NOC4L: variants seen among roughly 807,000 people sequenced by gnomAD.
The protein encoded by NOC4L is nucleolar complex protein 4 homolog.
In NOC4L, 40 loss-of-function variants were observed where a neutral mutation model predicts 62.8. The observed-to-expected ratio is 0.64, with a 90% CI of 0.49 to 0.83. NOC4L has a LOEUF of 0.83. Among genes scored for constraint, NOC4L ranks in the 40% least tolerant of loss-of-function variants. The pLI is 0.00. For missense variants in NOC4L, 927 were observed against 701.9 expected, an observed-to-expected ratio of 1.32 and a Z score of -3.62; for synonymous variants, 433 against 299.8, an observed-to-expected ratio of 1.44 and a Z score of -4.59.
intron 10 of NOC4L, 70 bp downstream of exon 10, chr12:132,151,111 C>T (rs1897921722): frequency 6.7e-7 from 1 of 1,499,240 alleles, no homozygotes; most frequent in Non-Finnish European, 9.2e-7. Flanking sequence ...CCCTTCCCAC[C>T]CTGCCCCACG....
Position 132,152,022 on chromosome 12 carries a change from A to G in NOC4L, c.1318-62A>G, listed in dbSNP as rs577606372. The G allele has an allele frequency of 2.1e-5, 31 of 1,487,184 alleles. No homozygotes were observed. The South Asian group carries it at 3.1e-4, about 15-fold the overall frequency. The allele number at this position is 1,487,184 out of a possible 1,614,324, so 92.1% of individuals were successfully genotyped here. On this transcript the variant is annotated intron_variant, in intron 13 of 14. Coordinates refer to ENST00000330579, the MANE Select transcript of NOC4L (RefSeq NM_024078.3). ...CTCTGGTTGGGAGCACAGGGAGGCCATGGCTGGGGGCACAGGGCGGGGGCC... is the reference window on the plus strand; with the variant it reads ...CTCTGGTTGGGAGCACAGGGAGGCCGTGGCTGGGGGCACAGGGCGGGGGCC...
At chr12:132,145,461 A>T in intron 2 of NOC4L, 98 bp from the exon 3 acceptor site, 2 of 759,564 alleles carry the variant, frequency 2.6e-6, no homozygotes, top group Non-Finnish European at 4.4e-6. Context: ...GCTGAGTAGA[A>T]GACAATGGGA....
chr12:132,151,960 T>C, intron 13 of NOC4L, 124 bp from the exon 14 acceptor site: 1 of 1,236,442 alleles, frequency 8.1e-7, no homozygotes, highest in Non-Finnish European at 1.1e-6. Flanking sequence ...TGCTGGGTGC[T>C]TGGCCTTCTC....
chr12:132,146,427 CG>C, intron 3 of NOC4L: 1 of 442,686 alleles, frequency 2.3e-6, no homozygotes, highest in Non-Finnish European at 4.6e-6. Flanking sequence ...GGACTGTGAA[CG>C]TTCGCGTACA....
At position 132,151,258 on chromosome 12, in the gene NOC4L, GGA is replaced by G; in HGVS notation, c.965_966del (p.Glu322ValfsTer3). 3 of 1,610,716 alleles carry G rather than the reference GGA, an allele frequency of 1.9e-6. No homozygotes were observed. Among genetic ancestry groups the G allele is most frequent in the Non-Finnish European group, 2.5e-6 (3 of 1,179,216 alleles). On this transcript the variant is annotated frameshift_variant and splice_region_variant, in exon 11 of 15. Coordinates refer to ENST00000330579, the MANE Select transcript of NOC4L (RefSeq NM_024078.3). LOFTEE classifies it high-confidence loss of function. ...GCTGCTCCTTCCCCCCGGCCCGCAG[GGA>G]GTACCCTGACTTCTACCGGAAGCTC... ...LFILIHKHNL[E>X]YPDFYRKLYG...
chr12:132,144,739 G>A, intron 1 of NOC4L, 115 bp from the exon 2 acceptor site: 2 of 1,478,840 alleles, frequency 1.4e-6, no homozygotes, highest in Non-Finnish European at 1.8e-6. Flanking sequence ...TGGGTCACGG[G>A]TCGGGGGTGA....
chr12:132,146,300 A>G (rs1421243697), intron 3 of NOC4L: 1 of 455,976 alleles, frequency 2.2e-6, no homozygotes, highest in East Asian at 6.9e-5. Context: ...GCGTGTTCGA[A>G]GTTCGTTCTC....
In NOC4L at chr12:132,152,030, G is replaced by A. The variant is rs936845451; in HGVS notation, c.1318-54G>A. On this transcript the variant is annotated intron_variant, in intron 13 of 14. Coordinates refer to ENST00000330579, the MANE Select transcript of NOC4L (RefSeq NM_024078.3). ...GGGAGCACAGGGAGGCCATGGCTGGGGGCACAGGGCGGGGGCCTGGGGCAG... is the reference window on the plus strand; with the variant it reads ...GGGAGCACAGGGAGGCCATGGCTGGAGGCACAGGGCGGGGGCCTGGGGCAG... The A allele has an allele frequency of 2.0e-6, 3 of 1,507,742 alleles. No individual in the cohort carries two copies. In the African/African-American group the frequency reaches 4.2e-5, roughly 21 times the overall value. The allele number at this position is 1,507,742 out of a possible 1,614,324, so 93.4% of individuals were successfully genotyped here.
At position 132,148,600 on chromosome 12, in the gene NOC4L, C is replaced by T; in HGVS notation, c.739-9C>T. ...GAGGGCGGCGAGTGCAGTCTGGACC[C>T]CGTTGCAGGAGCACAGGAGGGTTTT... On this transcript the variant is annotated splice_polypyrimidine_tract_variant and intron_variant, in intron 7 of 14. Transcript: ENST00000330579. 1 of 1,549,602 alleles carries T rather than the reference C, an allele frequency of 6.5e-7. No homozygotes were observed. Among genetic ancestry groups the T allele is most frequent in the Non-Finnish European group, 8.7e-7 (1 of 1,146,280 alleles).
In NOC4L at chr12:132,145,580, A is replaced by G; in HGVS notation, c.260A>G (p.Lys87Arg). 2 of 1,612,796 alleles carry G rather than the reference A, an allele frequency of 1.2e-6. No individual in the cohort carries two copies. Among genetic ancestry groups the G allele is most frequent in the Non-Finnish European group, 1.7e-6 (2 of 1,179,490 alleles). ...VMTGSQGATRKYKVWMRHRYH... is the reference protein window; with the variant it reads ...VMTGSQGATRRYKVWMRHRYH... ...GCAGGGTCCCAGGGAGCCACACGGAAGTACAAGGTGTGGATGAGACACCGC... is the reference window on the plus strand; with the variant it reads ...GCAGGGTCCCAGGGAGCCACACGGAGGTACAAGGTGTGGATGAGACACCGC... Residue 87 changes from lysine (K) to arginine (R), a missense_variant, in exon 3 of 15, where the codon AAG (lysine) becomes AGG (arginine). Physicochemically the swap from Lys to Arg is conservative, Grantham distance 26 (BLOSUM62 2). Coordinates refer to ENST00000330579, the MANE Select transcript of NOC4L (RefSeq NM_024078.3).
chr12:132,151,089 T>C (rs772258266), intron 10 of NOC4L, 48 bp downstream of exon 10: 17 of 1,547,062 alleles, frequency 1.1e-5, no homozygotes, highest in Non-Finnish European at 2.7e-6. Context: ...TGCCCAGCCC[T>C]GCTCCTCTGT....
rs199619878 is a variant in NOC4L at position 132,148,857 on chromosome 12, C to T, written c.863C>T (p.Thr288Met). The T allele has an allele frequency of 3.2e-5, 52 of 1,601,138 alleles. 1 individual carries two copies. The highest frequency in any genetic ancestry group is 1.7e-4 in the Middle Eastern group (1 of 6,032). ...ATCCTGCCGCAGCTGGCGCAGCCCA[C>T]GCTCATGATCGACTTCCTCACCCGC... ...DAILPQLAQPTLMIDFLTRAC... is the reference protein window; with the variant it reads ...DAILPQLAQPMLMIDFLTRAC... Residue 288 changes from threonine (T) to methionine (M), a missense_variant, in exon 9 of 15, where the codon ACG (threonine) becomes ATG (methionine). Physicochemically the swap from Thr to Met is moderately conservative, Grantham distance 81 (BLOSUM62 -1). Coordinates refer to ENST00000330579, the MANE Select transcript of NOC4L (RefSeq NM_024078.3).
chr12:132,148,135 C>G, intron 7 of NOC4L, 29 bp downstream of exon 7: 1 of 1,611,994 alleles, frequency 6.2e-7, no homozygotes, highest in Non-Finnish European at 8.5e-7. Flanking sequence ...GCCGGGCACC[C>G]TCCCGGGTTT....
chr12:132,151,423 C>A, intron 11 of NOC4L, 55 bp downstream of exon 11: 1 of 1,601,702 alleles, frequency 6.2e-7, no homozygotes, highest in Non-Finnish European at 8.5e-7. Context: ...AGCCTGGGGC[C>A]AGGGGAGGGT....
In NOC4L at chr12:132,152,293, G is replaced by C; in HGVS notation, c.1443G>C (p.Arg481=). ...TTTGTGCTTTGCAGATCTTTGAGCGGGACCTGAAGAAGAAGGGGCCCGAGC... is the reference window on the plus strand; with the variant it reads ...TTTGTGCTTTGCAGATCTTTGAGCGCGACCTGAAGAAGAAGGGGCCCGAGC... ...LELTAYEIFE[R]DLKKKGPEPV... is the part of the protein sequence containing the mutation. Residue 481 remains arginine, a synonymous_variant, in exon 15 of 15, where the codon CGG becomes CGC. Coordinates refer to ENST00000330579, the MANE Select transcript of NOC4L (RefSeq NM_024078.3). 1 of 1,563,844 alleles carries C rather than the reference G, an allele frequency of 6.4e-7. No homozygotes were observed. The highest frequency in any genetic ancestry group is 8.7e-7 in the Non-Finnish European group (1 of 1,154,790).
chr12:132,151,965 C>T, intron 13 of NOC4L, 119 bp from the exon 14 acceptor site: 1 of 1,241,256 alleles, frequency 8.1e-7, no homozygotes, highest in Non-Finnish European at 1.1e-6. Flanking sequence ...GGTGCTTGGC[C>T]TTCTCACGTG....
chr12:132,148,033 C>T (rs771588789), intron 6 of NOC4L, 39 bp from the exon 7 acceptor site: 1 of 1,613,280 alleles, frequency 6.2e-7, no homozygotes, highest in Non-Finnish European at 8.5e-7. Flanking sequence ...TCTGCCTCCC[C>T]TGCGGGTCAG....
Position 132,148,996 on chromosome 12 carries a change from G to A in NOC4L, c.901+101G>A, listed in dbSNP as rs543925260. 19 of 169,542 alleles carry A rather than the reference G, an allele frequency of 1.1e-4. 1 individual carries two copies. Among genetic ancestry groups the A allele is most frequent in the South Asian group, 4.9e-4 (12 of 24,522 alleles). The allele number at this position is 169,542 out of a possible 1,614,324, so 10.5% of individuals were successfully genotyped here. On this transcript the variant is annotated intron_variant, in intron 9 of 14. Coordinates refer to ENST00000330579, the MANE Select transcript of NOC4L (RefSeq NM_024078.3). Reference sequence around the variant, plus strand: ...CCTAATCCCCTCGGTGAGTGCCGCCGCCTCACTCCTACCACACCCCTAATC... The same window carrying A: ...CCTAATCCCCTCGGTGAGTGCCGCCACCTCACTCCTACCACACCCCTAATC...
At chr12:132,151,964 CCTT>C (rs970184742) in intron 13 of NOC4L, 117 bp from the exon 14 acceptor site, 347 of 1,234,740 alleles carry the variant, frequency 2.8e-4, no homozygotes, top group Non-Finnish European at 3.7e-4. Flanking sequence ...GGGTGCTTGG[CCTT>C]CTCACGTGGC....
Sources: gnomAD v4.1 joint callset for allele counts on GRCh38, gnomAD v4.1.1 for gene constraint, MANE v1.5 for transcripts, NCBI Gene and HGNC (gene_info 2026-07-23, HGNC 2026-07-21) for gene names.